MCF2L2: variants seen among roughly 807,000 people sequenced by gnomAD.
MCF2L2 encodes MCF.2 cell line derived transforming sequence-like 2.
A neutral mutation model predicts 150.2 loss-of-function variants in MCF2L2; 102 were observed. The ratio of observed to expected loss-of-function variants is 0.68; its 90% confidence interval spans 0.58 to 0.80. MCF2L2 has a LOEUF of 0.80. Among genes scored for constraint, MCF2L2 ranks in the 30% least tolerant of loss-of-function variants. The pLI, the probability that MCF2L2 is intolerant of heterozygous loss-of-function variation, is 0.00. For missense variants in MCF2L2, 1,256 were observed against 1,372.8 expected, an observed-to-expected ratio of 0.91 and a Z score of 1.34; for synonymous variants, 465 against 491.3, an observed-to-expected ratio of 0.95 and a Z score of 0.71.
At chr3:183,329,693 A>G (rs1007773161) in intron 5 of MCF2L2, among the ~76,000 whole-genome samples, 1 of 152,272 alleles carries the variant, frequency 6.6e-6, no homozygotes, top group Non-Finnish European at 1.5e-5. Context: ...AAGGCTACCC[A>G]GTATACACAG....
chr3:183,216,486 TTATATATTAATTA>T (rs1376539683), intron 21 of MCF2L2, among the ~76,000 whole-genome samples: 2 of 139,888 alleles, frequency 1.4e-5, no homozygotes, highest in Admixed American at 1.4e-4. Context: ...AATTATATGT[TTATATATTAATTA>T]TATATATTAA....
intron 5 of MCF2L2, among the ~76,000 whole-genome samples, chr3:183,325,934 C>G (rs773149947): frequency 8.5e-5 from 13 of 152,104 alleles, no homozygotes; most frequent in Non-Finnish European, 1.8e-4. Context: ...TAATCAAAAT[C>G]CCAGCTGACT....
At chr3:183,364,977 A>C (rs1712441116) in intron 3 of MCF2L2, among the ~76,000 whole-genome samples, 1 of 152,220 alleles carries the variant, frequency 6.6e-6, no homozygotes, top group Non-Finnish European at 1.5e-5. Context: ...GAGCTCTAAA[A>C]AATGAAAGAA....
At chr3:183,229,051 T>G (rs942557174) in intron 17 of MCF2L2, among the ~76,000 whole-genome samples, 1 of 152,180 alleles carries the variant, frequency 6.6e-6, no homozygotes, top group African/African-American at 2.4e-5. Context: ...TGTGGTTCAA[T>G]TCACCAAGCA....
intron 22 of MCF2L2, among the ~76,000 whole-genome samples, chr3:183,213,008 G>C (rs935743644): frequency 6.6e-6 from 1 of 151,752 alleles, no homozygotes; most frequent in Non-Finnish European, 1.5e-5. Flanking sequence ...TGGGTCACTA[G>C]GATTATTTAC....
chr3:183,256,383 TA>T (rs1308353370), intron 15 of MCF2L2, among the ~76,000 whole-genome samples: 1 of 152,190 alleles, frequency 6.6e-6, no homozygotes, highest in East Asian at 1.9e-4. Flanking sequence ...TACATATATA[TA>T]GGGGATGTAA....
At chr3:183,368,590 T>C (rs1453135039) in intron 3 of MCF2L2, among the ~76,000 whole-genome samples, 1 of 151,804 alleles carries the variant, frequency 6.6e-6, no homozygotes, top group Admixed American at 6.6e-5. Context: ...ATGGTGAAAC[T>C]CCATCTCTAC....
At chr3:183,193,551 A>G (rs1721980281) in intron 26 of MCF2L2, among the ~76,000 whole-genome samples, 1 of 151,986 alleles carries the variant, frequency 6.6e-6, no homozygotes, top group East Asian at 1.9e-4. Context: ...AGGTTTCACC[A>G]TGTTGGCCAG....
chr3:183,238,142 T>A (rs1723824776), intron 15 of MCF2L2, among the ~76,000 whole-genome samples: 1 of 152,146 alleles, frequency 6.6e-6, no homozygotes, highest in South Asian at 2.1e-4. Flanking sequence ...ATTTTGGAAT[T>A]CCCTGCTTTA....
At chr3:183,415,441 C>T (rs531733169) in intron 1 of MCF2L2, among the ~76,000 whole-genome samples, 1 of 152,206 alleles carries the variant, frequency 6.6e-6, no homozygotes, top group Non-Finnish European at 1.5e-5. Context: ...CCCACCTCGG[C>T]CTCCCAAAGT....
rs572113074 is a variant in MCF2L2 at position 183,182,302 on chromosome 3, C to T, written c.3017-2143G>A. Among the ~76,000 whole-genome samples the T allele has an allele frequency of 1.1e-4, 17 of 152,170 alleles. No homozygotes were observed. The East Asian group carries it at 1.2e-3, about 10-fold the overall frequency. The stretch of plus-strand genomic sequence containing the variant: ...ACACAGGACCCACCTGGGCCAGTGA[C>T]AGCAGGAGCTCCGGGTGCCACAGGT... On this transcript the variant is annotated intron_variant, in intron 27 of 29. Transcript: ENST00000328913.
chr3:183,294,730 G>A lies in MCF2L2; in HGVS notation c.1675+570C>T, dbSNP rs1047112876. On this transcript the variant is annotated intron_variant, in intron 13 of 29. Coordinates refer to ENST00000328913, the MANE Select transcript of MCF2L2 (RefSeq NM_015078.4). ...TGCAAGCTCTGCCTCCCAGGTTCAC[G>A]CCATTCTCCTGCCTCAGCCTCCCGA... Among the ~76,000 whole-genome samples, 4 of 150,992 alleles carry A rather than the reference G, an allele frequency of 2.6e-5. No homozygotes were observed. In the East Asian group the frequency reaches 5.8e-4, roughly 22 times the overall value.
intron 2 of MCF2L2, 21 bp downstream of exon 2, chr3:183,389,675 G>T (rs148842464): frequency 1.2e-6 from 2 of 1,606,920 alleles, no homozygotes; most frequent in Non-Finnish European, 1.7e-6. Flanking sequence ...ATCTGGAAAT[G>T]CAAATGAATG....
chr3:183,381,672 T>C (rs568983406), intron 2 of MCF2L2, among the ~76,000 whole-genome samples: 99 of 152,308 alleles, frequency 6.5e-4, no homozygotes, highest in Non-Finnish European at 1.1e-3. Context: ...GAGATTTGTC[T>C]GGATGGTCAG....
intron 14 of MCF2L2, among the ~76,000 whole-genome samples, chr3:183,286,698 A>T (rs564530319): frequency 6.6e-6 from 1 of 152,344 alleles, no homozygotes; most frequent in Admixed American, 6.5e-5. Flanking sequence ...GCACAAATCC[A>T]CTTTCTTCCT....
intron 25 of MCF2L2, among the ~76,000 whole-genome samples, chr3:183,195,755 G>A (rs1004086784): frequency 3.3e-5 from 5 of 152,050 alleles, no homozygotes; most frequent in South Asian, 2.1e-4. Context: ...CAAATTCCTC[G>A]GCCCGATATT....
At chr3:183,390,260 C>T (rs537133300) in intron 1 of MCF2L2, among the ~76,000 whole-genome samples, 43 of 152,302 alleles carry the variant, frequency 2.8e-4, no homozygotes, top group African/African-American at 9.4e-4. Context: ...CTTCCTTCCT[C>T]CCCTACTTAT....
chr3:183,359,078 C>T (rs551977038), intron 3 of MCF2L2, among the ~76,000 whole-genome samples: 1 of 150,712 alleles, frequency 6.6e-6, no homozygotes, highest in African/African-American at 2.4e-5. Context: ...GACAAGTTTG[C>T]CAAGGTCACT....
chr3:183,400,248 G>C, intron 1 of MCF2L2: 6 of 329,654 alleles, frequency 1.8e-5, no homozygotes, highest in South Asian at 1.4e-4. Context: ...TGCAAAGTAA[G>C]ATTTTTTTTA....
Sources: gnomAD v4.1 joint callset for allele counts (sites outside exome capture counted in the v4.1 genomes callset) on GRCh38, gnomAD v4.1.1 for gene constraint, MANE v1.5 for transcripts, NCBI Gene and HGNC (gene_info 2026-07-23, HGNC 2026-07-21) for gene names.